DLGAP1: variants seen among roughly 807,000 people sequenced by gnomAD.
DLGAP1 encodes the protein DLG associated protein 1.
Under a neutral mutation model 90.8 loss-of-function variants are expected in DLGAP1, and 11 were observed. The ratio of observed to expected loss-of-function variants is 0.12; its 90% confidence interval spans 0.08 to 0.20. The LOEUF is 0.20. DLGAP1 is among the 10% of genes least tolerant of loss of function. The probability of loss-of-function intolerance (pLI) is 1.00; values close to 1 mark genes in which losing one functional copy is unlikely to be tolerated. For synonymous variants in DLGAP1, 558 were observed against 540.7 expected, an observed-to-expected ratio of 1.03 and a Z score of -0.44; for missense variants, 1,050 against 1,333.8, an observed-to-expected ratio of 0.79 and a Z score of 3.31.
chr18:3,644,250 T>A (rs1016700325), intron 7 of DLGAP1, among the ~76,000 whole-genome samples: 1 of 152,102 alleles, frequency 6.6e-6, no homozygotes, highest in Non-Finnish European at 1.5e-5. Context: ...GTTGGAATAT[T>A]TTTGGTATGT....
chr18:4,318,741 T>C (rs1360060243), intron 1 of DLGAP1, among the ~76,000 whole-genome samples: 1 of 152,244 alleles, frequency 6.6e-6, no homozygotes, highest in Non-Finnish European at 1.5e-5. Context: ...AGTGTACTCA[T>C]CTGTTTAAAT....
Position 3,502,674 on chromosome 18 carries a change from C to G in DLGAP1, c.2572-29G>C, listed in dbSNP as rs746399780. On this transcript the variant is annotated intron_variant, in intron 11 of 12. Coordinates refer to ENST00000315677, the MANE Select transcript of DLGAP1 (RefSeq NM_004746.4). ...CACAAGAGAAAGAAAAACATTCATG[C>G]TTTAGAAGCAATTCTTGACAAGCAC... 1.0e-5 allele frequency: 16 copies of G among 1,589,012 alleles called. No individual in the cohort carries two copies. The African/African-American group carries it at 1.1e-4, about 11-fold the overall frequency.
At chr18:3,522,820 G>A (rs922118615) in intron 10 of DLGAP1, among the ~76,000 whole-genome samples, 3 of 152,056 alleles carry the variant, frequency 2.0e-5, no homozygotes, top group Non-Finnish European at 4.4e-5. Context: ...TGGGATTATA[G>A]GTGTAAACCA....
At chr18:4,089,774 G>C (rs556373200) in intron 2 of DLGAP1, among the ~76,000 whole-genome samples, 2 of 152,178 alleles carry the variant, frequency 1.3e-5, no homozygotes, top group Non-Finnish European at 1.5e-5. Flanking sequence ...GGCCGGGCAC[G>C]GTGGCTCACG....
At chr18:4,136,173 C>A (rs1471381865) in intron 2 of DLGAP1, among the ~76,000 whole-genome samples, 1 of 152,090 alleles carries the variant, frequency 6.6e-6, no homozygotes, top group East Asian at 1.9e-4. Flanking sequence ...GATTCCAAAT[C>A]TTGGTTATTG....
chr18:3,569,181 T>A (rs2054619528), intron 8 of DLGAP1, among the ~76,000 whole-genome samples: 2 of 151,334 alleles, frequency 1.3e-5, no homozygotes, highest in African/African-American at 4.9e-5. Flanking sequence ...TTTGTATTTT[T>A]AGTAGAGATG....
chr18:4,331,438 T>A (rs2080949366), intron 1 of DLGAP1, among the ~76,000 whole-genome samples: 1 of 151,734 alleles, frequency 6.6e-6, no homozygotes, highest in Non-Finnish European at 1.5e-5. Flanking sequence ...ACATCCACAG[T>A]ACAAACCTAA....
At chr18:4,298,724 GT>G (rs1450723162) in intron 1 of DLGAP1, among the ~76,000 whole-genome samples, 1 of 151,642 alleles carries the variant, frequency 6.6e-6, no homozygotes, top group Non-Finnish European at 1.5e-5. Context: ...GTATACATAT[GT>G]AACTAACCTG....
In DLGAP1 at chr18:4,337,193, CTTTTTT is replaced by C. The variant is rs201042095; in HGVS notation, c.-267+117807_-267+117812del. The stretch of plus-strand genomic sequence containing the variant: ...GATACATTGATAGGCCAATAGTTGG[CTTTTTT>C]TTTTTTTTTTTTGAGATGGGGTCTC... On this transcript the variant is annotated intron_variant, in intron 1 of 12. Coordinates refer to ENST00000315677, the MANE Select transcript of DLGAP1 (RefSeq NM_004746.4). 1.2e-4 allele frequency among the ~76,000 whole-genome samples: 11 copies of C among 91,086 alleles called. No individual in the cohort carries two copies. The South Asian group carries it at 4.6e-3, about 38-fold the overall frequency. 59.8% of individuals were successfully genotyped at this position (91,086 alleles called of 152,430 possible). A position where few individuals can be genotyped will look rare whatever the true frequency, so the allele number is the denominator to read the frequency against.
intron 4 of DLGAP1, among the ~76,000 whole-genome samples, chr18:3,844,809 C>T (rs1350349442): frequency 2.0e-5 from 3 of 152,166 alleles, no homozygotes; most frequent in Admixed American, 1.3e-4. Context: ...ACATGATGTA[C>T]GTATTCTGCT....
chr18:4,293,922 G>T (rs2079910851), intron 1 of DLGAP1: 2 of 152,110 alleles, frequency 1.3e-5, no homozygotes, highest in Admixed American at 1.3e-4. Flanking sequence ...TTTCCTACCT[G>T]CCAAAACTTT....
chr18:4,323,262 T>C (rs980394019), intron 1 of DLGAP1, among the ~76,000 whole-genome samples: 15 of 152,116 alleles, frequency 9.9e-5, no homozygotes, highest in African/African-American at 3.6e-4. Flanking sequence ...CTTGTAAAAA[T>C]GGGTCTTATC....
chr18:4,070,206 C>T (rs538472704), intron 2 of DLGAP1, among the ~76,000 whole-genome samples: 2 of 152,236 alleles, frequency 1.3e-5, no homozygotes, highest in South Asian at 4.1e-4. Flanking sequence ...TGGTCCTGAA[C>T]TCTTGACCTC....
At chr18:4,125,321 G>C (rs1343533363) in intron 2 of DLGAP1, among the ~76,000 whole-genome samples, 2 of 152,220 alleles carry the variant, frequency 1.3e-5, no homozygotes, top group South Asian at 2.1e-4. Flanking sequence ...TAGGAAGTGG[G>C]GGGGCTACAG....
intron 1 of DLGAP1, among the ~76,000 whole-genome samples, chr18:4,302,536 A>AT (rs573172080): frequency 1.3e-5 from 2 of 151,970 alleles, no homozygotes; most frequent in South Asian, 4.1e-4. Flanking sequence ...TATAAAGTAC[A>AT]TTTTTTTGAC....
chr18:4,204,513 T>TTG (rs1555762765), intron 1 of DLGAP1, among the ~76,000 whole-genome samples: 2 of 151,632 alleles, frequency 1.3e-5, no homozygotes, highest in African/African-American at 4.9e-5. Context: ...TTGTGGTTTT[T>TTG]TTTTTGTTTT....
In DLGAP1 at chr18:4,207,570, T is replaced by C. The variant is rs578156646; in HGVS notation, c.-266-56283A>G. On this transcript the variant is annotated intron_variant, in intron 1 of 12. Transcript: ENST00000315677. The stretch of plus-strand genomic sequence containing the variant: ...CATCTGAGGTAGTCACAAGCCCACC[T>C]GCGGTGTGGCTCAGCTTGGCCCCCT... Among the ~76,000 whole-genome samples the C allele has an allele frequency of 5.3e-5, 8 of 152,362 alleles. No homozygotes were observed. In the South Asian group the frequency reaches 1.7e-3, roughly 32 times the overall value.
At chr18:3,725,153 A>G (rs1460853438) in intron 7 of DLGAP1, among the ~76,000 whole-genome samples, 1 of 152,190 alleles carries the variant, frequency 6.6e-6, no homozygotes, top group Non-Finnish European at 1.5e-5. Flanking sequence ...TTTTTTCTGT[A>G]CATTTACGAG....
chr18:4,225,704 A>C (rs575395842), intron 1 of DLGAP1, among the ~76,000 whole-genome samples: 1 of 152,154 alleles, frequency 6.6e-6, no homozygotes, highest in Admixed American at 6.5e-5. Flanking sequence ...GATCAAGCAG[A>C]AGAAAGAATT....
Sources: allele counts gnomAD v4.1 joint callset (sites outside exome capture counted in the v4.1 genomes callset), GRCh38; gene constraint gnomAD v4.1.1; transcripts MANE v1.5; gene names NCBI Gene and HGNC (gene_info 2026-07-23, HGNC 2026-07-21).